The following C2CD5 variants were observed in gnomAD, a reference collection of about 807,000 sequenced individuals.
C2CD5 encodes C2 calcium dependent domain containing 5, also known as C2 domain-containing protein 5.
A neutral mutation model predicts 130.3 loss-of-function variants in C2CD5; 109 were observed. That is an observed-to-expected ratio of 0.84 (90% CI 0.72 to 0.98). The LOEUF is 0.98. Among genes scored for constraint, C2CD5 ranks in the 50% least tolerant of loss-of-function variants. The pLI is 0.00. For synonymous variants in C2CD5, 454 were observed against 429.2 expected, an observed-to-expected ratio of 1.06 and a Z score of -0.71; for missense variants, 996 against 1,261.8, an observed-to-expected ratio of 0.79 and a Z score of 3.19.
intron 9 of C2CD5, chr12:22,507,059 G>GA (rs1231367406): frequency 1.1e-3 from 323 of 298,616 alleles, no homozygotes; most frequent in South Asian, 1.6e-3. Flanking sequence ...TCTCAATGAA[G>GA]AAAAAAAAAG....
intron 10 of C2CD5, among the ~76,000 whole-genome samples, chr12:22,494,025 G>A (rs748402672): frequency 6.6e-6 from 1 of 151,950 alleles, no homozygotes; most frequent in African/African-American, 2.4e-5. Context: ...ATGATTTAGA[G>A]TCACAGAATT....
intron 26 of C2CD5, among the ~76,000 whole-genome samples, chr12:22,452,578 G>A (rs1171119690): frequency 6.6e-6 from 1 of 151,982 alleles, no homozygotes; most frequent in Non-Finnish European, 1.5e-5. Flanking sequence ...CCCCTCTAAC[G>A]TGCCTTAGCC....
rs1362278333 is a variant in C2CD5, at chr12:22,482,774, T to C, written c.1551-31A>G. On this transcript the variant is annotated intron_variant, in intron 13 of 26. Transcript: ENST00000446597. Reference sequence around the variant, plus strand: ...AAGGAAAATAAGTCAGTGAACAGTATTCTTGGTACCACCTTTAAAAATGTC... The same window carrying C: ...AAGGAAAATAAGTCAGTGAACAGTACTCTTGGTACCACCTTTAAAAATGTC... 7 of 1,528,168 alleles carry C rather than the reference T, an allele frequency of 4.6e-6. No homozygotes were observed. In the Admixed American group the frequency reaches 1.2e-4, roughly 27 times the overall value. The allele number at this position is 1,528,168 out of a possible 1,614,324, so 94.7% of individuals were successfully genotyped here.
chr12:22,480,866 A>G (rs2136288503), intron 14 of C2CD5, among the ~76,000 whole-genome samples: 1 of 151,884 alleles, frequency 6.6e-6, no homozygotes. Flanking sequence ...GTGCAGTGGC[A>G]CAATCACGGC....
At position 22,493,213 on chromosome 12, in the gene C2CD5, T is replaced by C. The variant is rs369279575; in HGVS notation, c.1262+10A>G. On this transcript the variant is annotated intron_variant, in intron 11 of 26. Transcript: ENST00000446597. ...AGTGTCTGGAAAATCAAGTTGTTAT[T>C]ATCATTTACCAGATGCTAGTTGATT... 6 of 1,431,886 alleles carry C rather than the reference T, an allele frequency of 4.2e-6. No homozygotes were observed. The highest frequency in any genetic ancestry group is 5.8e-6 in the Non-Finnish European group (6 of 1,029,688). The allele number at this position is 1,431,886 out of a possible 1,614,324, so 88.7% of individuals were successfully genotyped here.
intron 12 of C2CD5, 74 bp downstream of exon 12, chr12:22,490,049 C>T (rs752866433): frequency 1.9e-6 from 2 of 1,056,096 alleles, no homozygotes; most frequent in African/African-American, 3.1e-5. Context: ...GAAGAATTAT[C>T]CCAACTCTCA....
At chr12:22,541,377 C>T (rs888741805) in intron 2 of C2CD5, among the ~76,000 whole-genome samples, 3 of 152,188 alleles carry the variant, frequency 2.0e-5, no homozygotes, top group Non-Finnish European at 4.4e-5. Flanking sequence ...CCCCTTCAAT[C>T]CATTCTCCAT....
rs1949778534 is a variant in C2CD5 at position 22,516,911 on chromosome 12, C to G, written c.952+1075G>C. Among the ~76,000 whole-genome samples the G allele has an allele frequency of 2.0e-5, 3 of 151,936 alleles. No individual in the cohort carries two copies. The South Asian group carries it at 6.2e-4, about 31-fold the overall frequency. On this transcript the variant is annotated intron_variant, in intron 8 of 26. Coordinates refer to ENST00000446597, the MANE Select transcript of C2CD5 (RefSeq NM_001286176.2). ...CAAAGCATCCATTACTGTCAAATAA[C>G]TACATTATTTGTAGACATTATTCAC...
At chr12:22,477,466 G>A (rs913802272) in intron 15 of C2CD5, 1 of 152,046 alleles carries the variant, frequency 6.6e-6, no homozygotes. Context: ...GCCAAAATTA[G>A]ATAAGACGTT....
chr12:22,472,593 A>G, intron 17 of C2CD5, 151 bp downstream of exon 17: 1 of 674,506 alleles, frequency 1.5e-6, no homozygotes, highest in Non-Finnish European at 2.7e-6. Context: ...TTTTTAAGGT[A>G]TGTTTTCTAC....
At chr12:22,499,752 A>G (rs1425909714) in intron 10 of C2CD5, among the ~76,000 whole-genome samples, 6 of 152,208 alleles carry the variant, frequency 3.9e-5, no homozygotes, top group Non-Finnish European at 5.9e-5. Context: ...AAATGCTGCA[A>G]TCTGCTTCCT....
At chr12:22,522,101 G>A (rs530210143) in intron 7 of C2CD5, among the ~76,000 whole-genome samples, 1 of 152,240 alleles carries the variant, frequency 6.6e-6, no homozygotes, top group South Asian at 2.1e-4. Context: ...TACTGTTTAT[G>A]TTTGCTTTTG....
intron 3 of C2CD5, among the ~76,000 whole-genome samples, chr12:22,533,684 G>A (rs1951533273): frequency 6.6e-6 from 1 of 152,198 alleles, no homozygotes; most frequent in Non-Finnish European, 1.5e-5. Context: ...GCACAAGTGG[G>A]AAGAAGGGAG....
At chr12:22,512,788 C>A in intron 9 of C2CD5, 1 of 697,532 alleles carries the variant, frequency 1.4e-6, no homozygotes, top group African/African-American at 1.8e-5. Context: ...CTCAAACTTA[C>A]AATAACTGAA....
At chr12:22,482,819 A>C (rs954249864) in intron 13 of C2CD5, 76 bp from the exon 14 acceptor site, 1 of 1,022,052 alleles carries the variant, frequency 9.8e-7, no homozygotes, top group East Asian at 2.4e-5. Context: ...AAACTTGCTA[A>C]AAGTGTGCTG....
At chr12:22,520,549 A>T (rs1163571503) in intron 7 of C2CD5, among the ~76,000 whole-genome samples, 3 of 152,178 alleles carry the variant, frequency 2.0e-5, no homozygotes, top group African/African-American at 7.2e-5. Flanking sequence ...TTCATTGGTG[A>T]TCTACTTTTA....
At chr12:22,506,895 C>CG in intron 9 of C2CD5, 76 bp from the exon 10 acceptor site, 1 of 831,992 alleles carries the variant, frequency 1.2e-6, no homozygotes, top group Non-Finnish European at 2.1e-6. Flanking sequence ...AAAAGCTTGC[C>CG]ATAGCAACTG....
Position 22,535,358 on chromosome 12 carries a change from A to G in C2CD5, c.91-14T>C. 1 of 1,351,676 alleles carries G rather than the reference A, an allele frequency of 7.4e-7. No homozygotes were observed. Among genetic ancestry groups the G allele is most frequent in the South Asian group, 1.2e-5 (1 of 84,288 alleles). The allele number at this position is 1,351,676 out of a possible 1,614,324, so 83.7% of individuals were successfully genotyped here. On this transcript the variant is annotated splice_polypyrimidine_tract_variant and intron_variant, in intron 2 of 26. Transcript: ENST00000446597. ...ACCAAATTTTACCTAAAAACAAATA[A>G]GAAATTATTCACATATGAATATCAA...
At position 22,459,573 on chromosome 12, in the gene C2CD5, A is replaced by G. The variant is rs117144245; in HGVS notation, c.2534-31T>C. On this transcript the variant is annotated intron_variant, in intron 22 of 26. Transcript: ENST00000446597. The stretch of plus-strand genomic sequence containing the variant: ...AAGACAATATGAACAACATTAGCTC[A>G]GATGCTAAGTACAAGCCAGTACCTC... 1.8e-3 allele frequency: 2,478 copies of G among 1,398,308 alleles called. 48 individuals carry two copies. In the East Asian group the frequency reaches 0.045, roughly 25 times the overall value. The allele number at this position is 1,398,308 out of a possible 1,614,324, so 86.6% of individuals were successfully genotyped here.
Sources: allele counts gnomAD v4.1 joint callset (sites outside exome capture counted in the v4.1 genomes callset), GRCh38; gene constraint gnomAD v4.1.1; transcripts MANE v1.5; gene names NCBI Gene and HGNC (gene_info 2026-07-23, HGNC 2026-07-21).